Variants in LINGO2 observed in about 807,000 individuals in gnomAD.
LINGO2 encodes the protein leucine rich repeat and Ig domain containing 2.
In LINGO2, 14 loss-of-function variants were observed where a neutral mutation model predicts 30.6. The ratio of observed to expected loss-of-function variants is 0.46; its 90% CI spans 0.30 to 0.72. The LOEUF is 0.72. Among genes scored for constraint, LINGO2 ranks in the 30% least tolerant of loss-of-function variants. LINGO2 has a pLI of 0.07. For missense variants in LINGO2, 729 were observed against 751.7 expected (o/e 0.97, Z 0.35); for synonymous variants, 317 against 288.5 (o/e 1.10, Z -1.00).
At chr9:29,060,047 T>G in the LINGO2 span, among the ~76,000 whole-genome samples, 1 of 152,058 alleles carries the variant, frequency 6.6e-6, no homozygotes, top group Non-Finnish European at 1.5e-5. Context: ...GCAGGCATAT[T>G]GTGGAGAGGA....
intron 1 of LINGO2, among the ~76,000 whole-genome samples, chr9:28,669,715 TA>T (rs528058405): frequency 5.6e-4 from 85 of 152,006 alleles, no homozygotes; most frequent in African/African-American, 1.9e-3. Flanking sequence ...GTGGGGGAAA[TA>T]AAAAGAAAAG....
At chr9:29,056,228 A>C in the LINGO2 span, among the ~76,000 whole-genome samples, 2 of 152,100 alleles carry the variant, frequency 1.3e-5, no homozygotes, top group Non-Finnish European at 2.9e-5. Context: ...GCAGTGTAAA[A>C]GTGTTCCCTT....
chr9:28,288,350 C>T (rs1238872656), intron 4 of LINGO2, among the ~76,000 whole-genome samples: 1 of 152,124 alleles, frequency 6.6e-6, no homozygotes, highest in African/African-American at 2.4e-5. Flanking sequence ...ACCAGTTTCC[C>T]ATCCATTAAA....
At chr9:28,977,786 T>C in the LINGO2 span, among the ~76,000 whole-genome samples, 1 of 152,188 alleles carries the variant, frequency 6.6e-6, no homozygotes, top group Non-Finnish European at 1.5e-5. Flanking sequence ...TTTTAAATTC[T>C]AGTGTCAAAA....
In LINGO2 at chr9:28,561,567, T is replaced by TATATAATGTAATGTATTTAG. The variant is rs1554637635; in HGVS notation, c.-364-85543_-364-85542insCTAAATACATTACATTATAT. ...ATCAGTAATTGGTTTAATAGATTTA[T>TATATAATGTAATGTATTTAG]ATATAATATAATGTGTTTATATATT... On this transcript the variant is annotated intron_variant, in intron 1 of 5. Transcript: ENST00000379992. 5.0e-3 allele frequency among the ~76,000 whole-genome samples: 691 copies of TATATAATGTAATGTATTTAG among 138,308 alleles called. 29 individuals carry two copies. Among genetic ancestry groups the TATATAATGTAATGTATTTAG allele is most frequent in the African/African-American group, 0.019 (653 of 34,728 alleles). 90.7% of individuals were successfully genotyped at this position (138,308 alleles called of 152,430 possible).
At chr9:29,006,589 G>A in the LINGO2 span, among the ~76,000 whole-genome samples, 7 of 152,120 alleles carry the variant, frequency 4.6e-5, no homozygotes, top group East Asian at 1.9e-4. Context: ...GATGTATTCC[G>A]AACTATTAAG....
chr9:27,998,633 T>C (rs1821787828), intron 5 of LINGO2, among the ~76,000 whole-genome samples: 1 of 151,992 alleles, frequency 6.6e-6, no homozygotes, highest in Admixed American at 6.6e-5. Context: ...GAAAAAGAAG[T>C]AGCTGTGCGT....
intron 4 of LINGO2, among the ~76,000 whole-genome samples, chr9:28,162,911 A>T (rs1226090243): frequency 2.0e-5 from 3 of 152,150 alleles, no homozygotes; most frequent in Non-Finnish European, 4.4e-5. Context: ...GAAATGCTTG[A>T]GCAAAGGAGC....
chr9:28,364,193 A>G (rs1820567571), intron 3 of LINGO2, among the ~76,000 whole-genome samples: 1 of 152,176 alleles, frequency 6.6e-6, no homozygotes, highest in African/African-American at 2.4e-5. Context: ...TTATATGATT[A>G]GACATAACAG....
the LINGO2 span, among the ~76,000 whole-genome samples, chr9:29,134,769 T>C: frequency 6.6e-6 from 1 of 152,052 alleles, no homozygotes; most frequent in Non-Finnish European, 1.5e-5. Flanking sequence ...CTGAGGAATA[T>C]CCCTATTAAT....
intron 4 of LINGO2, among the ~76,000 whole-genome samples, chr9:28,033,836 T>G (rs1348982473): frequency 6.6e-6 from 1 of 152,156 alleles, no homozygotes; most frequent in Non-Finnish European, 1.5e-5. Context: ...GCAACCCAAG[T>G]CATGTATAGT....
At chr9:28,133,469 G>C (rs1827432244) in intron 4 of LINGO2, among the ~76,000 whole-genome samples, 2 of 152,250 alleles carry the variant, frequency 1.3e-5, no homozygotes, top group African/African-American at 4.8e-5. Flanking sequence ...GTCTGGACTA[G>C]AGATATAAAG....
At chr9:28,893,948 G>C in the LINGO2 span, among the ~76,000 whole-genome samples, 1 of 145,994 alleles carries the variant, frequency 6.8e-6, no homozygotes, top group Non-Finnish European at 1.5e-5. Context: ...TCCCCTTCCT[G>C]TGTCCATGTG....
At chr9:28,285,081 T>C (rs776630312) in intron 4 of LINGO2, among the ~76,000 whole-genome samples, 16 of 152,196 alleles carry the variant, frequency 1.1e-4, no homozygotes, top group Non-Finnish European at 1.5e-4. Flanking sequence ...GTTTATGAGG[T>C]GTCAGGCATT....
the LINGO2 span, among the ~76,000 whole-genome samples, chr9:29,050,152 A>G: frequency 1.3e-5 from 2 of 151,910 alleles, no homozygotes; most frequent in Non-Finnish European, 1.5e-5. Flanking sequence ...CAGCCTCACC[A>G]GTAGCTGGGA....
chr9:28,041,831 C>G (rs1824209926), intron 4 of LINGO2, among the ~76,000 whole-genome samples: 1 of 152,048 alleles, frequency 6.6e-6, no homozygotes, highest in Non-Finnish European at 1.5e-5. Flanking sequence ...TATTGTAACT[C>G]AAAAAGTTTA....
At chr9:28,487,002 T>C (rs553913525) in intron 1 of LINGO2, among the ~76,000 whole-genome samples, 104 of 151,902 alleles carry the variant, frequency 6.8e-4, no homozygotes, top group African/African-American at 2.4e-3. Context: ...GGCCTCAAGG[T>C]AGAGTAAAAG....
At chr9:28,685,621 T>C in the LINGO2 span, among the ~76,000 whole-genome samples, 15 of 152,204 alleles carry the variant, frequency 9.9e-5, no homozygotes, top group African/African-American at 3.6e-4. Flanking sequence ...CCAGTCATTA[T>C]TTTTGTTTTA....
the LINGO2 span, among the ~76,000 whole-genome samples, chr9:28,860,498 C>T: frequency 5.3e-5 from 8 of 152,004 alleles, no homozygotes; most frequent in East Asian, 9.7e-4. Flanking sequence ...CCCATCTCAT[C>T]GGATTTTGGA....
Sources: gnomAD v4.1 joint callset for allele counts (sites outside exome capture counted in the v4.1 genomes callset) on GRCh38, gnomAD v4.1.1 for gene constraint, MANE v1.5 for transcripts, NCBI Gene and HGNC (gene_info 2026-07-23, HGNC 2026-07-21) for gene names.